Variants in EYS observed in about 807,000 individuals in gnomAD.
EYS encodes protein eyes shut homolog.
A neutral mutation model predicts 282.1 loss-of-function variants in EYS; 250 were observed. The observed-to-expected ratio is 0.89, with a 90% confidence interval of 0.80 to 0.98. The LOEUF is 0.98. Ranked by LOEUF, EYS falls within the 50% of genes least tolerant of loss-of-function variation. The pLI is 0.00. For missense variants in EYS, 4,016 were observed against 3,709.0 expected (o/e 1.08, Z -2.15); for synonymous variants, 1,355 against 1,282.9 (o/e 1.06, Z -1.20).
At chr6:65,519,676 A>T (rs1767275179) in intron 2 of EYS, among the ~76,000 whole-genome samples, 1 of 121,678 alleles carries the variant, frequency 8.2e-6, no homozygotes, top group South Asian at 2.9e-4. Flanking sequence ...ACTTGCAAAA[A>T]CTATAATAAC....
intron 31 of EYS, among the ~76,000 whole-genome samples, chr6:64,200,821 T>G (rs1186203562): frequency 1.3e-5 from 2 of 152,134 alleles, no homozygotes; most frequent in Non-Finnish European, 2.9e-5. Flanking sequence ...ATATAAACAT[T>G]AGTCCACACA....
At chr6:64,173,435 C>T (rs958423696) in intron 31 of EYS, among the ~76,000 whole-genome samples, 7 of 152,034 alleles carry the variant, frequency 4.6e-5, no homozygotes, top group Non-Finnish European at 1.0e-4. Flanking sequence ...AGGAATCAGT[C>T]CTTGGAGTTT....
intron 35 of EYS, among the ~76,000 whole-genome samples, chr6:63,979,502 A>T (rs1368044165): frequency 1.3e-5 from 2 of 151,938 alleles, no homozygotes; most frequent in Non-Finnish European, 2.9e-5. Context: ...ATTTGAAATT[A>T]GTGTCTCAAT....
intron 30 of EYS, among the ~76,000 whole-genome samples, chr6:64,303,901 C>T (rs1346559632): frequency 1.8e-4 from 26 of 148,498 alleles, no homozygotes; most frequent in Admixed American, 1.7e-3. Context: ...GCCTAATCCT[C>T]TTACCTTGAG....
chr6:65,586,080 T>C (rs1015544394), intron 2 of EYS, among the ~76,000 whole-genome samples: 3 of 152,006 alleles, frequency 2.0e-5, no homozygotes, highest in African/African-American at 7.2e-5. Flanking sequence ...TTTTGGGGAA[T>C]TCTACAGTTT....
chr6:64,647,012 A>G (rs1768377823), intron 22 of EYS, among the ~76,000 whole-genome samples: 1 of 152,144 alleles, frequency 6.6e-6, no homozygotes, highest in Non-Finnish European at 1.5e-5. Context: ...ATGCCAATAA[A>G]GAGGTAAAGT....
intron 14 of EYS, among the ~76,000 whole-genome samples, chr6:64,966,835 A>G (rs1422610634): frequency 1.3e-5 from 2 of 152,158 alleles, no homozygotes; most frequent in Non-Finnish European, 2.9e-5. Flanking sequence ...CAAAATCCCT[A>G]TTACCATATA....
chr6:63,721,621 C>A lies in EYS; in HGVS notation c.8410G>T (p.Val2804Leu), dbSNP rs1186708771. The A allele has an allele frequency of 3.2e-6, 5 of 1,551,134 alleles. No homozygotes were observed. Among genetic ancestry groups the A allele is most frequent in the Middle Eastern group, 1.7e-4 (1 of 6,014 alleles). The change falls in exon 43 of 43, where the codon GTA becomes TTA. Residue 2804 changes from valine to leucine, a missense_variant. By Grantham distance (32) the Val-to-Leu change is conservative (BLOSUM62 1). Transcript: ENST00000503581. ...EGYLDLDGIN[V>L]TEKASTKMSS... ...ATTTTAGTGGAGGCCTTTTCTGTTA[C>A]ATTTATCCCATCTAGATCCAGGTAG...
chr6:65,682,199 G>A (rs1386370977), intron 1 of EYS, among the ~76,000 whole-genome samples: 2 of 151,914 alleles, frequency 1.3e-5, no homozygotes, highest in East Asian at 3.9e-4. Context: ...GCAATGAAGA[G>A]TGGTCCAGGT....
At chr6:65,521,978 C>T (rs16896737) in intron 2 of EYS, among the ~76,000 whole-genome samples, 1,581 of 152,050 alleles carry the variant, frequency 0.01, 29 homozygotes, top group African/African-American at 0.035. Flanking sequence ...TTTTATTGTT[C>T]GGAGTTTGAG....
At chr6:65,542,129 T>C (rs566519663) in intron 2 of EYS, among the ~76,000 whole-genome samples, 26 of 152,304 alleles carry the variant, frequency 1.7e-4, no homozygotes, top group African/African-American at 6.0e-4. Context: ...TAGATTTGAC[T>C]TTTTAGCAGT....
At chr6:64,437,409 C>T (rs1016837465) in intron 27 of EYS, among the ~76,000 whole-genome samples, 2 of 151,624 alleles carry the variant, frequency 1.3e-5, no homozygotes, top group Non-Finnish European at 3.0e-5. Flanking sequence ...TATATACTTA[C>T]AAGTCTACAA....
chr6:65,349,541 T>C (rs1770523625), intron 9 of EYS, among the ~76,000 whole-genome samples: 1 of 151,522 alleles, frequency 6.6e-6, no homozygotes, highest in Non-Finnish European at 1.5e-5. Context: ...GTATGTATCA[T>C]ACATAAGGTT....
chr6:63,836,433 C>T (rs1294659840), intron 36 of EYS, among the ~76,000 whole-genome samples: 1 of 151,684 alleles, frequency 6.6e-6, no homozygotes, highest in Non-Finnish European at 1.5e-5. Flanking sequence ...TTATTTGCAT[C>T]AACACAGACT....
At chr6:65,641,541 G>C (rs572068665) in intron 1 of EYS, among the ~76,000 whole-genome samples, 1 of 152,266 alleles carries the variant, frequency 6.6e-6, no homozygotes, top group African/African-American at 2.4e-5. Flanking sequence ...TACTTACCCA[G>C]TGTCTTGTGT....
At chr6:64,467,422 G>T (rs1372844683) in intron 26 of EYS, among the ~76,000 whole-genome samples, 1 of 152,110 alleles carries the variant, frequency 6.6e-6, no homozygotes, top group African/African-American at 2.4e-5. Context: ...AAGTCCAATT[G>T]TATGCTTACA....
At chr6:64,561,360 A>G (rs1453593256) in intron 26 of EYS, among the ~76,000 whole-genome samples, 2 of 152,158 alleles carry the variant, frequency 1.3e-5, no homozygotes, top group Non-Finnish European at 2.9e-5. Flanking sequence ...AAGGGAATCC[A>G]AATAGTAAAA....
intron 33 of EYS, among the ~76,000 whole-genome samples, chr6:64,003,915 C>T (rs1450678297): frequency 6.6e-6 from 1 of 152,190 alleles, no homozygotes; most frequent in Non-Finnish European, 1.5e-5. Flanking sequence ...GTTTGCTTCC[C>T]CTTCTGCCAT....
chr6:64,690,720 C>T (rs1040464011), intron 22 of EYS, among the ~76,000 whole-genome samples: 10 of 151,932 alleles, frequency 6.6e-5, no homozygotes, highest in Admixed American at 2.0e-4. Context: ...TGAGCATACT[C>T]GCGCAAGGAC....
Sources: allele counts gnomAD v4.1 joint callset (sites outside exome capture counted in the v4.1 genomes callset), GRCh38; gene constraint gnomAD v4.1.1; transcripts MANE v1.5; gene names NCBI Gene and HGNC (gene_info 2026-07-23, HGNC 2026-07-21).